PKD1L1: variants seen among roughly 807,000 people sequenced by gnomAD.
PKD1L1 encodes polycystin-1-like protein 1.
In PKD1L1, 236 loss-of-function variants were observed where a neutral mutation model predicts 323.4. That is an observed-to-expected ratio of 0.73 (90% CI 0.66 to 0.81). The LOEUF is 0.81. Among genes scored for constraint, PKD1L1 ranks in the 40% least tolerant of loss-of-function variants. The probability of loss-of-function intolerance (pLI) is 0.00; values close to 1 mark genes in which losing one functional copy is unlikely to be tolerated. For synonymous variants in PKD1L1, 1,344 were observed against 1,335.0 expected (o/e 1.01, Z -0.15); for missense variants, 3,320 against 3,508.0 (o/e 0.95, Z 1.35).
At chr7:47,954,374 G>A in the PKD1L1 span, among the ~76,000 whole-genome samples, 1 of 152,236 alleles carries the variant, frequency 6.6e-6, no homozygotes, top group African/African-American at 2.4e-5. Flanking sequence ...TTGGGAGGCA[G>A]AGCCTGATGA....
intron 55 of PKD1L1, among the ~76,000 whole-genome samples, chr7:47,794,756 AC>A (rs1245970198): frequency 6.6e-6 from 1 of 152,194 alleles, no homozygotes; most frequent in Non-Finnish European, 1.5e-5. Flanking sequence ...CTGCAAAGCT[AC>A]AGGGGCAGAG....
Position 47,809,536 on chromosome 7 carries a change from T to G in PKD1L1, c.7623A>C (p.Gln2541His), listed in dbSNP as rs1584958052. 1 of 1,609,184 alleles carries G rather than the reference T, an allele frequency of 6.2e-7. No individual in the cohort carries two copies. The highest frequency in any genetic ancestry group is 1.7e-5 in the Admixed American group (1 of 59,200). ...LALSLIHLCV[Q>H]LYRMMDKGVL... is the part of the protein sequence containing the mutation. Reference sequence around the variant, plus strand: ...CGCCCTTGTCCATCATACGGTAGAGTTGAACACAGAGGTGGATCAGGCTGA... The same window carrying G: ...CGCCCTTGTCCATCATACGGTAGAGGTGAACACAGAGGTGGATCAGGCTGA... Residue 2541 changes from glutamine to histidine, a missense_variant, in exon 51 of 57, where the codon CAA (glutamine) becomes CAC (histidine). Physicochemically the swap from Gln to His is conservative, Grantham distance 24. Transcript: ENST00000289672.
intron 56 of PKD1L1, among the ~76,000 whole-genome samples, chr7:47,788,589 T>TA (rs1562930052): frequency 1.5e-5 from 2 of 135,046 alleles, no homozygotes; most frequent in African/African-American, 2.7e-5. Context: ...TTTTTTTTTT[T>TA]AATTTTAATT....
intron 47 of PKD1L1, 125 bp from the exon 48 acceptor site, chr7:47,814,139 AT>A (rs919931797): frequency 1.5e-6 from 1 of 681,398 alleles, no homozygotes; most frequent in Non-Finnish European, 2.5e-6. Flanking sequence ...TCAGAGTTTT[AT>A]TTTCCTTCCA....
intron 56 of PKD1L1, among the ~76,000 whole-genome samples, chr7:47,777,068 T>C (rs1443819818): frequency 6.6e-6 from 1 of 152,104 alleles, no homozygotes; most frequent in African/African-American, 2.4e-5. Flanking sequence ...ATTTTTGTAT[T>C]TTTAGTAGAG....
rs1302348263 is a variant in PKD1L1 at position 47,780,007 on chromosome 7, A to C, written c.8527-4841T>G. Among the ~76,000 whole-genome samples the C allele has an allele frequency of 2.0e-5, 3 of 151,078 alleles. No homozygotes were observed. In the Admixed American group the frequency reaches 2.0e-4, roughly 10 times the overall value. On this transcript the variant is annotated intron_variant, in intron 56 of 56. Coordinates refer to ENST00000289672, the MANE Select transcript of PKD1L1 (RefSeq NM_138295.5). ...TCAACTTATTGTAATTTTGTATGCT[A>C]TAACAACCTCGTTATTTTTTAATTA...
intron 7 of PKD1L1, among the ~76,000 whole-genome samples, chr7:47,919,057 A>C (rs560476579): frequency 6.6e-6 from 1 of 152,276 alleles, no homozygotes; most frequent in African/African-American, 2.4e-5. Flanking sequence ...AACAAACAAA[A>C]AATACAAAAG....
At chr7:47,792,565 A>C (rs1387263246) in intron 56 of PKD1L1, 62 bp downstream of exon 56, 2 of 1,489,208 alleles carry the variant, frequency 1.3e-6, no homozygotes, top group Non-Finnish European at 1.8e-6. Flanking sequence ...CTATTCCAAA[A>C]CTCCTTTAGA....
chr7:47,877,366 G>T, intron 22 of PKD1L1, 123 bp downstream of exon 22: 1 of 1,381,858 alleles, frequency 7.2e-7, no homozygotes. Flanking sequence ...TTCAACGGCA[G>T]GCTGAAATCC....
intron 28 of PKD1L1, among the ~76,000 whole-genome samples, chr7:47,855,875 CAAAAAAAA>C (rs536157879): frequency 3.1e-5 from 1 of 32,548 alleles, no homozygotes; most frequent in African/African-American, 2.7e-4. Flanking sequence ...GACTCCGTCT[CAAAAAAAA>C]AAAAAAAAAA....
chr7:47,928,589 C>T (rs183946055), intron 7 of PKD1L1, among the ~76,000 whole-genome samples: 20 of 151,500 alleles, frequency 1.3e-4, no homozygotes, highest in African/African-American at 3.1e-4. Context: ...GAAGAAAGAA[C>T]GAAAGAAAAA....
intron 56 of PKD1L1, among the ~76,000 whole-genome samples, chr7:47,780,970 A>C (rs1365931455): frequency 1.3e-5 from 2 of 152,210 alleles, no homozygotes; most frequent in Non-Finnish European, 2.9e-5. Context: ...TTTTATAAGA[A>C]ACTGCCAAAC....
chr7:47,826,600 G>C (rs1201294570), intron 45 of PKD1L1, among the ~76,000 whole-genome samples: 2 of 152,146 alleles, frequency 1.3e-5, no homozygotes, highest in Admixed American at 6.5e-5. Context: ...CCAAGTCCTT[G>C]ACAAACTACA....
At position 47,854,324 on chromosome 7, in the gene PKD1L1, C is replaced by CA. The variant is rs538213814; in HGVS notation, c.4859+557dup. Reference sequence around the variant, plus strand: ...CGGGGACTCCGAGAAGGAAGGTGATCAAGGCCCTGCCCATCCAGACCTCCA... The same window carrying CA: ...CGGGGACTCCGAGAAGGAAGGTGATCAAAGGCCCTGCCCATCCAGACCTCCA... On this transcript the variant is annotated intron_variant, in intron 30 of 56. Coordinates refer to ENST00000289672, the MANE Select transcript of PKD1L1 (RefSeq NM_138295.5). Among the ~76,000 whole-genome samples the CA allele has an allele frequency of 2.5e-3, 379 of 152,290 alleles. 4 individuals carry two copies. The highest frequency in any genetic ancestry group is 8.9e-3 in the African/African-American group (372 of 41,568).
In PKD1L1 at chr7:47,774,998, C is replaced by T. The variant is rs891349043; in HGVS notation, c.*145G>A. 18 of 800,014 alleles carry T rather than the reference C, an allele frequency of 2.2e-5. No individual in the cohort carries two copies. Among genetic ancestry groups the T allele is most frequent in the Non-Finnish European group, 3.7e-5 (18 of 483,208 alleles). 49.6% of individuals were successfully genotyped at this position (800,014 alleles called of 1,614,324 possible). ...GATTTTCATCCTGGTTTCCCATTTA[C>T]TTGTTACGTGAACTGGAAAAATTAA... On this transcript the variant is annotated 3_prime_UTR_variant, in exon 57 of 57. Transcript: ENST00000289672.
In PKD1L1 at chr7:47,830,082, G is replaced by A. The variant is rs753153664; in HGVS notation, c.6516C>T (p.Ser2172=). The A allele has an allele frequency of 5.6e-6, 9 of 1,614,184 alleles. No homozygotes were observed. Among genetic ancestry groups the A allele is most frequent in the Non-Finnish European group, 6.8e-6 (8 of 1,180,040 alleles). The part of the protein sequence containing the change: ...EQCVQWLHLL[S]LSVVCCIFIT... The stretch of plus-strand genomic sequence containing the variant: ...TGAAAATACAGCAGACCACGGAGAG[G>A]GACAGCAGGTGCAGCCACTGCACAC... The change falls in exon 43 of 57, where the codon TCC becomes TCT. Residue 2172 remains serine (S), a synonymous_variant. Transcript: ENST00000289672.
At chr7:47,922,716 A>G (rs1787574506) in intron 7 of PKD1L1, among the ~76,000 whole-genome samples, 1 of 135,878 alleles carries the variant, frequency 7.4e-6, no homozygotes, top group Non-Finnish European at 1.5e-5. Context: ...TCCGCCCGGC[A>G]GCCGCCCCGT....
At chr7:47,824,978 A>G (rs1329783762) in intron 45 of PKD1L1, among the ~76,000 whole-genome samples, 4 of 152,202 alleles carry the variant, frequency 2.6e-5, no homozygotes, top group African/African-American at 7.2e-5. Flanking sequence ...TGCTGGATAA[A>G]TCGTAAATGA....
rs968337767 is a variant in PKD1L1 at position 47,869,159 on chromosome 7, A to G, written c.3897-2545T>C. Among the ~76,000 whole-genome samples, 4 of 152,342 alleles carry G rather than the reference A, an allele frequency of 2.6e-5. No homozygotes were observed. In the South Asian group the frequency reaches 8.3e-4, roughly 32 times the overall value. ...AAAGGAGTGAAAATGATATACTAGAAAATACTTAACATAAAAGGAGGCAGT... is the reference window on the plus strand; with the variant it reads ...AAAGGAGTGAAAATGATATACTAGAGAATACTTAACATAAAAGGAGGCAGT... On this transcript the variant is annotated intron_variant, in intron 24 of 56. Transcript: ENST00000289672.
Sources: allele counts gnomAD v4.1 joint callset (sites outside exome capture counted in the v4.1 genomes callset), GRCh38; gene constraint gnomAD v4.1.1; transcripts MANE v1.5; gene names NCBI Gene and HGNC (gene_info 2026-07-23, HGNC 2026-07-21).